DHRSX: variants seen among roughly 807,000 people sequenced by gnomAD.
DHRSX encodes polyprenol dehydrogenase.
Under a neutral mutation model 34.0 loss-of-function variants are expected in DHRSX, and 31 were observed. That is an observed-to-expected ratio of 0.91 (90% CI 0.69 to 1.23). The LOEUF (loss-of-function observed/expected upper bound fraction) is 1.23, where lower values mean the gene tolerates loss of function less well. DHRSX is among the 50% of genes most tolerant of loss of function. The pLI is 0.00. For missense variants in DHRSX, 414 were observed against 428.1 expected (o/e 0.97, Z 0.29); for synonymous variants, 201 against 183.8 (o/e 1.09, Z -0.76).
In DHRSX at chrX:2,378,034, G is replaced by A. The variant is rs182258373; in HGVS notation, c.286+30711C>T. On this transcript the variant is annotated intron_variant, in intron 3 of 6. Transcript: ENST00000334651. ...ATAACAGGCATGAGCCACTGCGCCC[G>A]GCCGTGTGCACACAATACTTCAACT... 2.4e-3 allele frequency among the ~76,000 whole-genome samples: 363 copies of A among 152,084 alleles called. 1 individual carries two copies. The highest frequency in any genetic ancestry group is 8.2e-3 in the African/African-American group (340 of 41,502).
intron 3 of DHRSX, among the ~76,000 whole-genome samples, chrX:2,293,003 C>T (rs954382107): frequency 2.0e-5 from 3 of 152,080 alleles, no homozygotes; most frequent in Non-Finnish European, 4.4e-5. Context: ...TGGCTGGTCT[C>T]GAACTCCTAA....
intron 2 of DHRSX, among the ~76,000 whole-genome samples, chrX:2,409,737 G>GTT (rs113435386): frequency 1.4e-5 from 2 of 147,560 alleles, no homozygotes; most frequent in African/African-American, 2.5e-5. Flanking sequence ...TTTTTGTTTT[G>GTT]TTTTTTTTTT....
In DHRSX at chrX:2,284,470, T is replaced by C. The variant is rs780033940; in HGVS notation, c.388+7032A>G. On this transcript the variant is annotated intron_variant, in intron 4 of 6. Transcript: ENST00000334651. The stretch of plus-strand genomic sequence containing the variant: ...GAACTGTACCAAAAAACAGAGTCTT[T>C]AGGTCTCTGGCCAGGGAAGAATCAT... Among the ~76,000 whole-genome samples the C allele has an allele frequency of 3.9e-5, 6 of 152,334 alleles. No individual in the cohort carries two copies. The South Asian group carries it at 6.2e-4, about 16-fold the overall frequency.
chrX:2,308,792 G>A (rs2042130358), intron 3 of DHRSX, among the ~76,000 whole-genome samples: 1 of 146,444 alleles, frequency 6.8e-6, no homozygotes, highest in African/African-American at 2.5e-5. Flanking sequence ...GAGGGGAGGG[G>A]AGGGAAGCAA....
chrX:2,321,298 C>T (rs1469809081), intron 3 of DHRSX, among the ~76,000 whole-genome samples: 1 of 152,076 alleles, frequency 6.6e-6, no homozygotes, highest in African/African-American at 2.4e-5. Flanking sequence ...GAATGTGTAA[C>T]GCAGTATTTA....
intron 3 of DHRSX, among the ~76,000 whole-genome samples, chrX:2,360,797 ATGGC>A (rs2042924218): frequency 6.6e-6 from 1 of 151,954 alleles, no homozygotes; most frequent in Admixed American, 6.6e-5. Context: ...GACAGGGAAC[ATGGC>A]TTCCTCTTCC....
At chrX:2,435,300 G>C (rs1041782477) in intron 1 of DHRSX, among the ~76,000 whole-genome samples, 2 of 152,122 alleles carry the variant, frequency 1.3e-5, no homozygotes, top group African/African-American at 2.4e-5. Flanking sequence ...TAAAACATAA[G>C]ATCAATGCAT....
intron 3 of DHRSX, among the ~76,000 whole-genome samples, chrX:2,296,963 T>C (rs899441997): frequency 3.6e-5 from 4 of 109,830 alleles, no homozygotes; most frequent in Admixed American, 8.9e-5. Context: ...CCCAGGCAGA[T>C]AGACCCCAGG....
chrX:2,382,839 G>A (rs1353719539), intron 3 of DHRSX, among the ~76,000 whole-genome samples: 373 of 28,634 alleles, frequency 0.013, no homozygotes, highest in Middle Eastern at 0.02. Context: ...CATCATCATC[G>A]CCATCATCAT....
intron 3 of DHRSX, among the ~76,000 whole-genome samples, chrX:2,358,225 G>C (rs1217595591): frequency 6.6e-6 from 1 of 152,118 alleles, no homozygotes; most frequent in Admixed American, 6.6e-5. Flanking sequence ...ACAACCTACA[G>C]AATGAGAGAA....
chrX:2,430,931 C>T (rs2043911075), intron 1 of DHRSX, among the ~76,000 whole-genome samples: 1 of 151,980 alleles, frequency 6.6e-6, no homozygotes, highest in African/African-American at 2.4e-5. Flanking sequence ...AGGCTGAGTT[C>T]AGAGGATCAC....
chrX:2,368,293 A>AT (rs915845714), intron 3 of DHRSX, among the ~76,000 whole-genome samples: 71 of 151,870 alleles, frequency 4.7e-4, no homozygotes, highest in Non-Finnish European at 2.9e-4. Flanking sequence ...TTATAAAGTC[A>AT]TTTTTTATGT....
chrX:2,407,618 G>A (rs548447431), intron 3 of DHRSX, among the ~76,000 whole-genome samples: 1 of 152,232 alleles, frequency 6.6e-6, no homozygotes, highest in Middle Eastern at 3.4e-3. Context: ...AATCTTATTC[G>A]GGAGCATTTG....
Position 2,500,885 on chromosome X carries a change from T to C in DHRSX, c.41A>G (p.Tyr14Cys), listed in dbSNP as rs1313329608. 1.7e-6 allele frequency: 2 copies of C among 1,147,414 alleles called. No homozygotes were observed. Among genetic ancestry groups the C allele is most frequent in the South Asian group, 6.0e-5 (2 of 33,486 alleles). 71.1% of individuals were successfully genotyped at this position (1,147,414 alleles called of 1,614,324 possible). ...LSAARAALRV[Y>C]AVGAAVILAQ... Reference sequence around the variant, plus strand: ...CAGGATCACCGCGGCGCCTACCGCGTAGACCCGCAGGGCCGCCCGCGCCGC... The same window carrying C: ...CAGGATCACCGCGGCGCCTACCGCGCAGACCCGCAGGGCCGCCCGCGCCGC... The change falls in exon 1 of 7, where the codon TAC becomes TGC. Residue 14 changes from tyrosine to cysteine, a missense_variant. Tyr to Cys is a radical substitution (Grantham distance 194). Transcript: ENST00000334651.
At chrX:2,417,089 C>A (rs1422831296) in intron 2 of DHRSX, among the ~76,000 whole-genome samples, 11 of 152,282 alleles carry the variant, frequency 7.2e-5, no homozygotes, top group Admixed American at 2.0e-4. Context: ...AAAACTGTAA[C>A]TCACAGTGAA....
At chrX:2,494,562 A>G (rs1363188752) in intron 1 of DHRSX, among the ~76,000 whole-genome samples, 2 of 151,892 alleles carry the variant, frequency 1.3e-5, no homozygotes, top group African/African-American at 4.8e-5. Context: ...ACAAAAGTTT[A>G]TATTTTATTA....
intron 1 of DHRSX, chrX:2,488,560 G>T: frequency 6.7e-7 from 1 of 1,498,254 alleles, no homozygotes; most frequent in Non-Finnish European, 8.9e-7. Context: ...AAACCAAGCT[G>T]ACCGGGTAAG....
chrX:2,313,773 G>C (rs1287035430), intron 3 of DHRSX, among the ~76,000 whole-genome samples: 2 of 152,274 alleles, frequency 1.3e-5, no homozygotes, highest in Non-Finnish European at 1.5e-5. Context: ...GCCCTCAGGA[G>C]ATCCCGAGAA....
chrX:2,325,756 G>A (rs1040644373), intron 3 of DHRSX, among the ~76,000 whole-genome samples: 7 of 152,146 alleles, frequency 4.6e-5, no homozygotes, highest in Admixed American at 3.9e-4. Context: ...ATGAGACACC[G>A]CCTCCTCAAA....
Sources: allele counts gnomAD v4.1 joint callset (sites outside exome capture counted in the v4.1 genomes callset), GRCh38; gene constraint gnomAD v4.1.1; transcripts MANE v1.5; gene names NCBI Gene and HGNC (gene_info 2026-07-23, HGNC 2026-07-21).